Variants in SDK1 observed in about 807,000 individuals in gnomAD.
SDK1 encodes protein sidekick-1.
In SDK1, 157 loss-of-function variants were observed where a neutral mutation model predicts 245.5. That is an observed-to-expected ratio of 0.64 (90% CI 0.56 to 0.73). SDK1 has a LOEUF of 0.73. Among genes scored for constraint, SDK1 ranks in the 30% least tolerant of loss-of-function variants. SDK1 has a pLI of 0.00. For missense variants in SDK1, 3,583 were observed against 3,002.3 expected (o/e 1.19, Z -4.52); for synonymous variants, 1,647 against 1,278.5 (o/e 1.29, Z -6.15).
At chr7:3,313,873 AAT>A (rs1465038173) in intron 1 of SDK1, among the ~76,000 whole-genome samples, 3 of 152,232 alleles carry the variant, frequency 2.0e-5, no homozygotes, top group East Asian at 1.9e-4. Context: ...GCCATTTCAC[AAT>A]ATATATGTGT....
intron 4 of SDK1, among the ~76,000 whole-genome samples, chr7:3,699,573 G>C (rs1784681640): frequency 1.3e-5 from 2 of 152,084 alleles, no homozygotes; most frequent in African/African-American, 4.8e-5. Context: ...AAAAAAAATA[G>C]AAAATACTTG....
At chr7:3,931,195 T>C (rs113422522) in intron 5 of SDK1, among the ~76,000 whole-genome samples, 107 of 152,342 alleles carry the variant, frequency 7.0e-4, no homozygotes, top group Admixed American at 2.5e-3. Context: ...TTTAATTTTT[T>C]CATGTCTTAA....
intron 5 of SDK1, among the ~76,000 whole-genome samples, chr7:3,866,589 G>A (rs1283104355): frequency 1.3e-5 from 2 of 152,154 alleles, no homozygotes; most frequent in Admixed American, 1.3e-4. Flanking sequence ...CCAGAACAGT[G>A]CATGCACGCA....
Position 3,689,218 on chromosome 7 carries a change from T to C in SDK1, c.713+47113T>C, listed in dbSNP as rs141833474. On this transcript the variant is annotated intron_variant, in intron 4 of 44. Coordinates refer to ENST00000404826, the MANE Select transcript of SDK1 (RefSeq NM_152744.4). ...CCTAAGAACGTTATGATAACCCTGC[T>C]TCTGTCAGGTTTCCAGCTTCCCTTG... Among the ~76,000 whole-genome samples, 472 of 152,288 alleles carry C rather than the reference T, an allele frequency of 3.1e-3. 2 individuals carry two copies. Among genetic ancestry groups the C allele is most frequent in the African/African-American group, 0.011 (458 of 41,566 alleles).
intron 2 of SDK1, among the ~76,000 whole-genome samples, chr7:3,622,764 A>G (rs1448999167): frequency 6.6e-6 from 1 of 152,218 alleles, no homozygotes; most frequent in South Asian, 2.1e-4. Context: ...CTTCACTACT[A>G]TGACATGGGA....
intron 4 of SDK1, among the ~76,000 whole-genome samples, chr7:3,674,874 A>C (rs115106396): frequency 0.025 from 3,840 of 152,188 alleles, 169 homozygotes; most frequent in African/African-American, 0.087. Context: ...ATGCTGGTAG[A>C]CTCAAGCCAA....
intron 1 of SDK1, among the ~76,000 whole-genome samples, chr7:3,416,654 C>T (rs1264298461): frequency 6.6e-6 from 1 of 152,018 alleles, no homozygotes; most frequent in African/African-American, 2.4e-5. Context: ...TTCAGGTTTG[C>T]TCTGTGAACC....
chr7:3,496,860 C>T (rs1732525388), intron 1 of SDK1, among the ~76,000 whole-genome samples: 1 of 152,154 alleles, frequency 6.6e-6, no homozygotes, highest in African/African-American at 2.4e-5. Context: ...TCCTTTCCCC[C>T]CACCACAGTT....
At chr7:4,224,056 A>G (rs545905895) in intron 40 of SDK1, among the ~76,000 whole-genome samples, 18 of 152,316 alleles carry the variant, frequency 1.2e-4, no homozygotes, top group Middle Eastern at 3.4e-3. Flanking sequence ...TCGCTAAACA[A>G]GTTAGTGCAA....
chr7:3,572,809 A>G (rs920944893), intron 1 of SDK1, among the ~76,000 whole-genome samples: 2 of 152,106 alleles, frequency 1.3e-5, no homozygotes, highest in Non-Finnish European at 2.9e-5. Flanking sequence ...CAGTTGAGTA[A>G]ACGTAAACAT....
intron 17 of SDK1, among the ~76,000 whole-genome samples, chr7:4,033,502 C>CA (rs376939134): frequency 1.7e-3 from 255 of 151,892 alleles, no homozygotes; most frequent in African/African-American, 6.0e-3. Flanking sequence ...ATTCCATATG[C>CA]AAAAAAATAC....
chr7:4,217,038 GCCACCCGGAGCACCACA>G (rs1562445304), intron 38 of SDK1, among the ~76,000 whole-genome samples: 66 of 38,440 alleles, frequency 1.7e-3, no homozygotes, highest in African/African-American at 6.8e-3. Context: ...GGAGCACCAG[GCCACCCGGAGCACCACA>G]CCACCCGGAG....
At chr7:4,215,045 C>T (rs1784714568) in intron 38 of SDK1, among the ~76,000 whole-genome samples, 1 of 152,192 alleles carries the variant, frequency 6.6e-6, no homozygotes, top group African/African-American at 2.4e-5. Flanking sequence ...CCACAAATGC[C>T]AGCAGAGCCT....
At chr7:4,144,543 A>G (rs370437788) in intron 28 of SDK1, among the ~76,000 whole-genome samples, 1 of 151,750 alleles carries the variant, frequency 6.6e-6, no homozygotes, top group South Asian at 2.1e-4. Flanking sequence ...CCCACCTCCC[A>G]GATGGCGGGC....
intron 1 of SDK1, among the ~76,000 whole-genome samples, chr7:3,463,406 C>T (rs1344261004): frequency 1.3e-5 from 2 of 152,116 alleles, no homozygotes; most frequent in Non-Finnish European, 2.9e-5. Flanking sequence ...TTGAGCCCTG[C>T]ACTTAACACG....
chr7:3,333,582 C>A (rs189197712), intron 1 of SDK1, among the ~76,000 whole-genome samples: 41 of 152,210 alleles, frequency 2.7e-4, no homozygotes, highest in African/African-American at 9.1e-4. Flanking sequence ...ACATCAGAAC[C>A]CTGAACTGGC....
chr7:3,978,286 T>A lies in SDK1; in HGVS notation c.1994+3741T>A, dbSNP rs2128135709. On this transcript the variant is annotated intron_variant, in intron 13 of 44. Transcript: ENST00000404826. ...GCATACTTCCAATATAGCCCATTCT[T>A]TTTATTCTGCACAGTTTTATGGTCT... 2.0e-5 allele frequency among the ~76,000 whole-genome samples: 3 copies of A among 152,334 alleles called. No homozygotes were observed. The South Asian group carries it at 6.2e-4, about 32-fold the overall frequency.
chr7:3,324,980 A>G (rs995012729), intron 1 of SDK1, among the ~76,000 whole-genome samples: 2 of 152,196 alleles, frequency 1.3e-5, no homozygotes, highest in African/African-American at 4.8e-5. Context: ...TATTCAAGCC[A>G]CATATAGTGT....
chr7:3,497,076 C>T (rs1157058313), intron 1 of SDK1, among the ~76,000 whole-genome samples: 4 of 152,122 alleles, frequency 2.6e-5, no homozygotes, highest in Non-Finnish European at 5.9e-5. Context: ...TAAAATTGTT[C>T]TAGAGAAGAA....
Sources: gnomAD v4.1 joint callset for allele counts (sites outside exome capture counted in the v4.1 genomes callset) on GRCh38, gnomAD v4.1.1 for gene constraint, MANE v1.5 for transcripts, NCBI Gene and HGNC (gene_info 2026-07-23, HGNC 2026-07-21) for gene names.